Variants in DLGAP1 observed in about 807,000 individuals in gnomAD.
DLGAP1 encodes the protein DLG associated protein 1.
Under a neutral mutation model 90.8 loss-of-function variants are expected in DLGAP1, and 11 were observed. The observed-to-expected ratio is 0.12, with a 90% CI of 0.08 to 0.20. The LOEUF (loss-of-function observed/expected upper bound fraction) is 0.20. DLGAP1 is among the 10% of genes least tolerant of loss of function. DLGAP1 has a pLI of 1.00. For missense variants in DLGAP1, 1,050 were observed against 1,333.8 expected (o/e 0.79, Z 3.31); for synonymous variants, 558 against 540.7 (o/e 1.03, Z -0.44).
chr18:3,880,963 A>G lies in DLGAP1; in HGVS notation c.-72-823T>C, dbSNP rs1256597171. On this transcript the variant is annotated intron_variant, in intron 3 of 12. Transcript: ENST00000315677. Reference sequence around the variant, plus strand: ...ATCTCAGAAAAAAAAAAAAAAAAAAAAAAAGAAAAAGAAAACTAGGAAAAG... The same window carrying G: ...ATCTCAGAAAAAAAAAAAAAAAAAAGAAAAGAAAAAGAAAACTAGGAAAAG... 4.2e-3 allele frequency among the ~76,000 whole-genome samples: 627 copies of G among 150,574 alleles called. 16 individuals are homozygous for G. Among genetic ancestry groups the G allele is most frequent in the Admixed American group, 0.031 (468 of 15,038 alleles).
chr18:4,195,772 C>T (rs1011672853), intron 1 of DLGAP1, among the ~76,000 whole-genome samples: 3 of 152,034 alleles, frequency 2.0e-5, no homozygotes, highest in African/African-American at 4.8e-5. Flanking sequence ...AGGCTGGTCT[C>T]GAAATCCCAA....
chr18:3,621,099 A>G (rs1051743495), intron 7 of DLGAP1, among the ~76,000 whole-genome samples: 1 of 152,124 alleles, frequency 6.6e-6, no homozygotes, highest in Non-Finnish European at 1.5e-5. Context: ...GCTAAGGTTC[A>G]CCTTAAAGAT....
At chr18:3,900,920 T>C (rs2071768774) in intron 3 of DLGAP1, among the ~76,000 whole-genome samples, 1 of 152,074 alleles carries the variant, frequency 6.6e-6, no homozygotes, top group Admixed American at 6.5e-5. Flanking sequence ...CCCCTCGACC[T>C]CGTTATTTTC....
chr18:4,172,081 TC>T (rs1171583412), intron 1 of DLGAP1, among the ~76,000 whole-genome samples: 2 of 152,192 alleles, frequency 1.3e-5, no homozygotes, highest in Admixed American at 1.3e-4. Flanking sequence ...GTTTTGTAAT[TC>T]TCTGAAATAC....
At chr18:4,070,139 C>A (rs776797844) in intron 2 of DLGAP1, among the ~76,000 whole-genome samples, 1 of 152,014 alleles carries the variant, frequency 6.6e-6, no homozygotes, top group Non-Finnish European at 1.5e-5. Flanking sequence ...CCTGCCATTA[C>A]GCCTGGCTAA....
intron 8 of DLGAP1, among the ~76,000 whole-genome samples, chr18:3,577,143 G>A (rs900849907): frequency 3.9e-5 from 6 of 152,152 alleles, no homozygotes; most frequent in African/African-American, 1.4e-4. Context: ...TTACAGGGGT[G>A]CGCCACCGTG....
At chr18:3,763,087 T>C (rs1265075753) in intron 5 of DLGAP1, among the ~76,000 whole-genome samples, 1 of 152,152 alleles carries the variant, frequency 6.6e-6, no homozygotes, top group Non-Finnish European at 1.5e-5. Flanking sequence ...GTGAGGGTGT[T>C]GCCAAAGGAG....
chr18:3,738,295 A>G (rs1407071028), intron 6 of DLGAP1, among the ~76,000 whole-genome samples: 1 of 146,012 alleles, frequency 6.8e-6, no homozygotes, highest in East Asian at 2.0e-4. Flanking sequence ...ATATGGAACA[A>G]AAAAAGAGCC....
Position 3,600,715 on chromosome 18 carries a change from G to GAT in DLGAP1, c.1592-18469_1592-18468dup, listed in dbSNP as rs368376136. ...CTATATAGATATCTATAGCTATATA[G>GAT]ATATAGAGATATAGATATATATAGA... On this transcript the variant is annotated intron_variant, in intron 7 of 12. Coordinates refer to ENST00000315677, the MANE Select transcript of DLGAP1 (RefSeq NM_004746.4). 6.2e-5 allele frequency among the ~76,000 whole-genome samples: 4 copies of GAT among 64,448 alleles called. 1 individual carries two copies. Among genetic ancestry groups the GAT allele is most frequent in the African/African-American group, 2.5e-4 (3 of 11,834 alleles). The allele number at this position is 64,448 out of a possible 152,430, so 42.3% of individuals were successfully genotyped here.
At chr18:3,838,137 A>G (rs1416364647) in intron 4 of DLGAP1, among the ~76,000 whole-genome samples, 6 of 152,332 alleles carry the variant, frequency 3.9e-5, no homozygotes, top group Non-Finnish European at 7.3e-5. Context: ...TTAGTGAATG[A>G]AAGAATTGAG....
chr18:3,707,897 C>T (rs937461406), intron 7 of DLGAP1, among the ~76,000 whole-genome samples: 1 of 152,116 alleles, frequency 6.6e-6, no homozygotes, highest in African/African-American at 2.4e-5. Flanking sequence ...AGGACTACCA[C>T]AGAAGGAACC....
rs559864879 is a variant in DLGAP1, at chr18:4,442,225, C to A, written c.-267+12781G>T. Among the ~76,000 whole-genome samples the A allele has an allele frequency of 5.9e-5, 9 of 152,180 alleles. No individual in the cohort carries two copies. The East Asian group carries it at 1.7e-3, about 29-fold the overall frequency. ...ATATTGGCCAGGCTGGTCTCAAACTCCTGACTTCATGATCCGCCCACCTCG... is the reference window on the plus strand; with the variant it reads ...ATATTGGCCAGGCTGGTCTCAAACTACTGACTTCATGATCCGCCCACCTCG... On this transcript the variant is annotated intron_variant, in intron 1 of 12. Transcript: ENST00000315677.
intron 2 of DLGAP1, among the ~76,000 whole-genome samples, chr18:4,041,020 C>T (rs984129516): frequency 1.3e-5 from 2 of 152,130 alleles, no homozygotes; most frequent in African/African-American, 4.8e-5. Context: ...ATTTCCACGC[C>T]CTTGGTACAG....
chr18:3,659,853 C>T (rs1418723496), intron 7 of DLGAP1, among the ~76,000 whole-genome samples: 3 of 152,124 alleles, frequency 2.0e-5, no homozygotes, highest in East Asian at 1.9e-4. Context: ...CATGAGCCAC[C>T]GCGCCCGGCC....
chr18:3,533,195 G>T (rs1294179497), intron 10 of DLGAP1, among the ~76,000 whole-genome samples: 1 of 152,222 alleles, frequency 6.6e-6, no homozygotes, highest in Admixed American at 6.5e-5. Context: ...GGAGGTCAAG[G>T]CTGGGGTGAG....
At chr18:4,209,958 C>T (rs1335731276) in intron 1 of DLGAP1, among the ~76,000 whole-genome samples, 1 of 152,326 alleles carries the variant, frequency 6.6e-6, no homozygotes, top group East Asian at 1.9e-4. Flanking sequence ...TCCAATAATA[C>T]TTCTCTTCCT....
intron 6 of DLGAP1, among the ~76,000 whole-genome samples, chr18:3,741,760 TG>T (rs1214110671): frequency 6.6e-6 from 1 of 152,230 alleles, no homozygotes; most frequent in Non-Finnish European, 1.5e-5. Flanking sequence ...ATCTTTCCTA[TG>T]TTTTTTTGCC....
rs1195792368 is a variant in DLGAP1, at chr18:4,342,299, T to C, written c.-267+112707A>G. On this transcript the variant is annotated intron_variant, in intron 1 of 12. Transcript: ENST00000315677. This position sits in a 1 kb window ranked among gnomAD's most constrained non-coding sequence, Gnocchi z 5.8. ...AATGGTAGGCGAGGATTTTTTATATTAGATGTTACTTGTATTTTTGAACTA... is the reference window on the plus strand; with the variant it reads ...AATGGTAGGCGAGGATTTTTTATATCAGATGTTACTTGTATTTTTGAACTA... Among the ~76,000 whole-genome samples, 1 of 152,132 alleles carries C rather than the reference T, an allele frequency of 6.6e-6. No homozygotes were observed. The highest frequency in any genetic ancestry group is 1.5e-5 in the Non-Finnish European group (1 of 68,024).
intron 1 of DLGAP1, among the ~76,000 whole-genome samples, chr18:4,304,845 C>T (rs1225623495): frequency 1.3e-5 from 2 of 151,702 alleles, no homozygotes; most frequent in Non-Finnish European, 2.9e-5. Context: ...GCAGGAGAAT[C>T]GCTTGAACCC....
Sources: allele counts gnomAD v4.1 joint callset (sites outside exome capture counted in the v4.1 genomes callset), GRCh38; gene constraint gnomAD v4.1.1; non-coding constraint Gnocchi (gnomAD v3.1); transcripts MANE v1.5; gene names NCBI Gene and HGNC (gene_info 2026-07-23, HGNC 2026-07-21).